The following RAB2A variants were observed in gnomAD, a reference collection of about 807,000 sequenced individuals.
The protein encoded by RAB2A is ras-related protein Rab-2A.
Under a neutral mutation model 32.5 loss-of-function variants are expected in RAB2A, and 7 were observed. The ratio of observed to expected loss-of-function variants is 0.22; its 90% CI spans 0.12 to 0.40. The LOEUF (loss-of-function observed/expected upper bound fraction) is 0.40. Ranked by LOEUF, RAB2A falls within the 10% of genes least tolerant of loss-of-function variation. The pLI, the probability that RAB2A is intolerant of heterozygous loss-of-function variation, is 1.00. For missense variants in RAB2A, 108 were observed against 260.7 expected (o/e 0.41, Z 4.03); for synonymous variants, 79 against 85.2 (o/e 0.93, Z 0.40).
At position 60,620,989 on chromosome 8, in the gene RAB2A, G is replaced by C. The variant is rs1171192131; in HGVS notation, c.*220G>C. ...CATATCTATTTGCATTTGATTTCTA[G>C]GTCAATTGATGTGATTATTTTTGTT... On this transcript the variant is annotated 3_prime_UTR_variant, in exon 8 of 8. Coordinates refer to ENST00000262646, the MANE Select transcript of RAB2A (RefSeq NM_002865.3). The C allele has an allele frequency of 1.7e-5, 8 of 467,422 alleles. No individual in the cohort carries two copies. The highest frequency in any genetic ancestry group is 2.0e-5 in the African/African-American group (1 of 49,186). The allele number at this position is 467,422 out of a possible 1,614,324, so 29.0% of individuals were successfully genotyped here.
chr8:60,550,247 C>CA (rs1479781933), intron 1 of RAB2A, among the ~76,000 whole-genome samples: 1 of 151,634 alleles, frequency 6.6e-6, no homozygotes, highest in African/African-American at 2.4e-5. Context: ...TTCTCTTTCT[C>CA]AAAAAATTCA....
At chr8:60,564,659 G>C (rs762016254) in intron 2 of RAB2A, among the ~76,000 whole-genome samples, 2 of 152,050 alleles carry the variant, frequency 1.3e-5, no homozygotes, top group Non-Finnish European at 2.9e-5. Flanking sequence ...GTCTTAAGAT[G>C]AGTGTATATG....
At chr8:60,587,707 A>G (rs1235521618) in intron 5 of RAB2A, among the ~76,000 whole-genome samples, 1 of 152,216 alleles carries the variant, frequency 6.6e-6, no homozygotes, top group Non-Finnish European at 1.5e-5. Context: ...CAGTGTATAT[A>G]TACTTTAAAA....
At chr8:60,583,714 C>T (rs993950660) in intron 3 of RAB2A, among the ~76,000 whole-genome samples, 1 of 152,144 alleles carries the variant, frequency 6.6e-6, no homozygotes, top group Non-Finnish European at 1.5e-5. Flanking sequence ...ACCTTTACAC[C>T]AGCAGATGGT....
At chr8:60,519,426 G>A (rs1010835373) in intron 1 of RAB2A, among the ~76,000 whole-genome samples, 2 of 152,042 alleles carry the variant, frequency 1.3e-5, no homozygotes, top group African/African-American at 2.4e-5. Context: ...AGTGCTTTCC[G>A]GCACAATCTC....
At chr8:60,568,211 C>T (rs1272945865) in intron 2 of RAB2A, among the ~76,000 whole-genome samples, 1 of 152,174 alleles carries the variant, frequency 6.6e-6, no homozygotes, top group Admixed American at 6.5e-5. Flanking sequence ...TAGCACCCCA[C>T]CTAGTACCTC....
At chr8:60,562,490 G>T (rs933551732) in intron 2 of RAB2A, among the ~76,000 whole-genome samples, 1 of 152,242 alleles carries the variant, frequency 6.6e-6, no homozygotes, top group Non-Finnish European at 1.5e-5. Context: ...GCAACAGTCT[G>T]TTATTAAAGA....
At chr8:60,524,674 A>G (rs1415406698) in intron 1 of RAB2A, among the ~76,000 whole-genome samples, 1 of 152,174 alleles carries the variant, frequency 6.6e-6, no homozygotes, top group African/African-American at 2.4e-5. Flanking sequence ...CAAACTATTA[A>G]TATTTGGTTC....
intron 6 of RAB2A, among the ~76,000 whole-genome samples, chr8:60,601,361 A>T (rs571385820): frequency 1.3e-5 from 2 of 150,482 alleles, no homozygotes; most frequent in African/African-American, 4.9e-5. Flanking sequence ...TTTTTTTGAG[A>T]TGGAGTGTCG....
At chr8:60,541,333 G>A (rs1807642524) in intron 1 of RAB2A, among the ~76,000 whole-genome samples, 1 of 152,126 alleles carries the variant, frequency 6.6e-6, no homozygotes, top group Non-Finnish European at 1.5e-5. Context: ...TCTTAGATGT[G>A]ATCCTGAGAC....
intron 6 of RAB2A, among the ~76,000 whole-genome samples, chr8:60,610,258 GA>G (rs2150436739): frequency 6.6e-6 from 1 of 151,998 alleles, no homozygotes; most frequent in East Asian, 1.9e-4. Context: ...AAACTGACAG[GA>G]TAGATGAATT....
intron 3 of RAB2A, among the ~76,000 whole-genome samples, chr8:60,573,306 A>G (rs935750906): frequency 2.0e-5 from 3 of 152,140 alleles, no homozygotes; most frequent in African/African-American, 7.2e-5. Context: ...CCCGTGGCCT[A>G]TTTTTCTCCA....
At chr8:60,589,888 A>G (rs1057306360) in intron 5 of RAB2A, among the ~76,000 whole-genome samples, 2 of 152,204 alleles carry the variant, frequency 1.3e-5, no homozygotes, top group Non-Finnish European at 2.9e-5. Context: ...TTATACCTTT[A>G]TACGTAAGTT....
chr8:60,538,996 A>T (rs1476164533), intron 1 of RAB2A, among the ~76,000 whole-genome samples: 2 of 152,218 alleles, frequency 1.3e-5, no homozygotes, highest in East Asian at 3.8e-4. Context: ...CATCTGAAAA[A>T]TCCACTGTTG....
chr8:60,591,070 A>G (rs1217225482), intron 5 of RAB2A, among the ~76,000 whole-genome samples: 1 of 151,740 alleles, frequency 6.6e-6, no homozygotes, highest in Non-Finnish European at 1.5e-5. Context: ...TATATTATAC[A>G]TCTTTTTTCA....
At chr8:60,595,765 C>T (rs891620358) in intron 6 of RAB2A, among the ~76,000 whole-genome samples, 7 of 152,110 alleles carry the variant, frequency 4.6e-5, no homozygotes, top group African/African-American at 7.2e-5. Context: ...TTCACAATTA[C>T]GGTTGGAGAC....
intron 1 of RAB2A, among the ~76,000 whole-genome samples, chr8:60,520,943 A>C (rs771998025): frequency 6.6e-6 from 1 of 152,162 alleles, no homozygotes; most frequent in Non-Finnish European, 1.5e-5. Flanking sequence ...AAGTCTTCCA[A>C]GTAGCTGGGA....
At position 60,555,279 on chromosome 8, in the gene RAB2A, G is replaced by A. The variant is rs535061056; in HGVS notation, c.47-3573G>A. 2.4e-4 allele frequency among the ~76,000 whole-genome samples: 36 copies of A among 152,180 alleles called. No individual in the cohort carries two copies. In the South Asian group the frequency reaches 2.7e-3, roughly 11 times the overall value. ...GTAAAACTACTAGAAGAAAATATTG[G>A]GAAAATGCTTCAGGACATTGGTCAA... is the stretch of plus-strand genomic sequence containing the variant. On this transcript the variant is annotated intron_variant, in intron 1 of 7. Coordinates refer to ENST00000262646, the MANE Select transcript of RAB2A (RefSeq NM_002865.3).
intron 1 of RAB2A, among the ~76,000 whole-genome samples, chr8:60,532,612 G>C (rs1258206630): frequency 2.6e-5 from 4 of 152,168 alleles, no homozygotes; most frequent in African/African-American, 4.8e-5. Context: ...CCGGGCTCAA[G>C]TGATCCTCCC....
Sources: allele counts gnomAD v4.1 joint callset (sites outside exome capture counted in the v4.1 genomes callset), GRCh38; gene constraint gnomAD v4.1.1; transcripts MANE v1.5; gene names NCBI Gene and HGNC (gene_info 2026-07-23, HGNC 2026-07-21).